The following MAGI2 variants were observed in gnomAD, a reference collection of about 807,000 sequenced individuals.
MAGI2 encodes the protein membrane-associated guanylate kinase, WW and PDZ domain-containing protein 2.
Under a neutral mutation model 133.3 loss-of-function variants are expected in MAGI2, and 35 were observed. The observed-to-expected ratio is 0.26, with a 90% CI of 0.20 to 0.35. The LOEUF (loss-of-function observed/expected upper bound fraction) is 0.35. Ranked by LOEUF, MAGI2 falls within the 10% of genes least tolerant of loss-of-function variation. The pLI, the probability that MAGI2 is intolerant of heterozygous loss-of-function variation, is 1.00. For missense variants in MAGI2, 1,636 were observed against 1,863.4 expected, an observed-to-expected ratio of 0.88 and a Z score of 2.25; for synonymous variants, 729 against 710.6, an observed-to-expected ratio of 1.03 and a Z score of -0.41.
intron 5 of MAGI2, among the ~76,000 whole-genome samples, chr7:78,497,722 T>TTCTTTCTATCTA (rs1554442339): frequency 1.0e-5 from 1 of 97,202 alleles, no homozygotes; most frequent in African/African-American, 6.1e-5. Context: ...GAAATAACTA[T>TTCTTTCTATCTA]TCTATCTATC....
At chr7:78,659,809 A>C (rs1171134381) in intron 2 of MAGI2, among the ~76,000 whole-genome samples, 1 of 152,140 alleles carries the variant, frequency 6.6e-6, no homozygotes, top group East Asian at 1.9e-4. Flanking sequence ...GATAAGTAGG[A>C]TCCCTCTGTA....
chr7:78,860,321 C>T (rs1206960192), intron 2 of MAGI2, among the ~76,000 whole-genome samples: 2 of 152,220 alleles, frequency 1.3e-5, no homozygotes, highest in African/African-American at 2.4e-5. Flanking sequence ...AAGAGGCGCT[C>T]TGATTTTTAG....
At position 78,706,153 on chromosome 7, in the gene MAGI2, C is replaced by A. The variant is rs758933385; in HGVS notation, c.419-78914G>T. ...ATGATATGGTTTGGCTGTGTCCCCC[C>A]CCAAATCTCAACTTTAATTGTATCT... is the stretch of plus-strand genomic sequence containing the variant. On this transcript the variant is annotated intron_variant, in intron 2 of 21. Coordinates refer to ENST00000354212, the MANE Select transcript of MAGI2 (RefSeq NM_012301.4). 1.1e-4 allele frequency among the ~76,000 whole-genome samples: 17 copies of A among 152,158 alleles called. No individual in the cohort carries two copies. In the South Asian group the frequency reaches 1.5e-3, roughly 13 times the overall value.
chr7:78,342,113 A>G (rs1314094991), intron 9 of MAGI2, among the ~76,000 whole-genome samples: 1 of 152,040 alleles, frequency 6.6e-6, no homozygotes, highest in Non-Finnish European at 1.5e-5. Flanking sequence ...CAAATTTACA[A>G]GAAAAAAAAA....
chr7:79,046,964 A>T (rs182289391), intron 1 of MAGI2, among the ~76,000 whole-genome samples: 15 of 152,336 alleles, frequency 9.8e-5, no homozygotes, highest in African/African-American at 3.4e-4. Flanking sequence ...GGAAGGAAAA[A>T]GTAATTTCAT....
At position 79,453,285 on chromosome 7, in the gene MAGI2, A is replaced by T; in HGVS notation, c.36T>A (p.Thr12=). The part of the protein sequence containing the change: ...SKSLKKKSHW[T]SKVHESVIGR... Reference sequence around the variant, plus strand: ...CAATGACACTCTCATGGACTTTGCTAGTCCAGTGGCTTTTCTTTTTCAAGC... The same window carrying T: ...CAATGACACTCTCATGGACTTTGCTTGTCCAGTGGCTTTTCTTTTTCAAGC... Residue 12 remains threonine (T), a synonymous_variant, in exon 1 of 22, where the codon ACT becomes ACA. Transcript: ENST00000354212. 3 of 1,613,032 alleles carry T rather than the reference A, an allele frequency of 1.9e-6. No individual in the cohort carries two copies. Among genetic ancestry groups the T allele is most frequent in the Non-Finnish European group, 2.5e-6 (3 of 1,179,546 alleles).
At chr7:78,962,100 G>A (rs113833452) in intron 2 of MAGI2, among the ~76,000 whole-genome samples, 14,462 of 151,934 alleles carry the variant, frequency 0.095, 868 homozygotes, top group African/African-American at 0.17. Context: ...TTGAACTCTC[G>A]TTATGTGGTA....
At chr7:78,028,282 A>G (rs28684419) in intron 21 of MAGI2, among the ~76,000 whole-genome samples, 1,670 of 152,322 alleles carry the variant, frequency 0.011, 37 homozygotes, top group African/African-American at 0.039. Context: ...AGAGATGTAA[A>G]CTAGATGTTA....
chr7:79,310,152 G>A (rs932102287), intron 1 of MAGI2, among the ~76,000 whole-genome samples: 1 of 77,716 alleles, frequency 1.3e-5, no homozygotes, highest in Non-Finnish European at 2.3e-5. Context: ...AGACAGAGGA[G>A]AGTCCATCTC....
At chr7:79,219,395 G>T (rs1830272035) in intron 1 of MAGI2, among the ~76,000 whole-genome samples, 1 of 151,938 alleles carries the variant, frequency 6.6e-6, no homozygotes, top group South Asian at 2.1e-4. Context: ...TCATTTAAAT[G>T]ATCCCATTTG....
intron 1 of MAGI2, among the ~76,000 whole-genome samples, chr7:79,393,565 T>G (rs57524293): frequency 0.051 from 7,692 of 152,238 alleles, 380 homozygotes; most frequent in East Asian, 0.18. Flanking sequence ...ATTCTCATTC[T>G]CAGTTGCGTA....
chr7:78,895,543 T>G (rs1418837261), intron 2 of MAGI2, among the ~76,000 whole-genome samples: 1 of 151,842 alleles, frequency 6.6e-6, no homozygotes, highest in Non-Finnish European at 1.5e-5. Context: ...GTGGCTTTAC[T>G]CAGTGTAGAA....
rs118071604 is a variant in MAGI2, at chr7:78,774,717, C to T, written c.419-147478G>A. Reference sequence around the variant, plus strand: ...GAAGACCACAGGCAGGATAGACACACCTAAGCATATCCAATACAGACACAA... The same window carrying T: ...GAAGACCACAGGCAGGATAGACACATCTAAGCATATCCAATACAGACACAA... On this transcript the variant is annotated intron_variant, in intron 2 of 21. Transcript: ENST00000354212. Among the ~76,000 whole-genome samples, 1,170 of 152,180 alleles carry T rather than the reference C, an allele frequency of 7.7e-3. 80 individuals are homozygous for T. The East Asian group carries it at 0.16, about 20-fold the overall frequency.
chr7:78,567,057 T>G (rs1231332173), intron 3 of MAGI2, among the ~76,000 whole-genome samples: 2 of 152,182 alleles, frequency 1.3e-5, no homozygotes, highest in South Asian at 2.1e-4. Flanking sequence ...GATATAAAAT[T>G]TGAGAAAACA....
At chr7:78,966,726 T>C (rs1803344067) in intron 2 of MAGI2, among the ~76,000 whole-genome samples, 1 of 152,094 alleles carries the variant, frequency 6.6e-6, no homozygotes. Flanking sequence ...TTGTTCTCTT[T>C]CAATCTTTCA....
At chr7:79,144,010 T>C (rs113738562) in intron 1 of MAGI2, among the ~76,000 whole-genome samples, 1 of 152,152 alleles carries the variant, frequency 6.6e-6, no homozygotes, top group Admixed American at 6.5e-5. Flanking sequence ...TAGGTACTTA[T>C]ATAGAACACT....
intron 11 of MAGI2, chr7:78,197,741 A>G (rs2150747821): frequency 7.4e-6 from 1 of 134,734 alleles, no homozygotes; most frequent in East Asian, 2.4e-4. Flanking sequence ...AAAAGGCTGT[A>G]AAGCAGAAAA....
At chr7:78,693,979 G>A (rs962099230) in intron 2 of MAGI2, among the ~76,000 whole-genome samples, 4 of 152,090 alleles carry the variant, frequency 2.6e-5, no homozygotes, top group African/African-American at 9.7e-5. Context: ...AATGTTTATT[G>A]AAAGGAAAGG....
chr7:79,331,943 T>C (rs532791764), intron 1 of MAGI2, among the ~76,000 whole-genome samples: 2 of 78,626 alleles, frequency 2.5e-5, no homozygotes, highest in East Asian at 2.9e-4. Context: ...ACTTAAAGTA[T>C]AATAAAAAAA....
Sources: gnomAD v4.1 joint callset for allele counts (sites outside exome capture counted in the v4.1 genomes callset) on GRCh38, gnomAD v4.1.1 for gene constraint, MANE v1.5 for transcripts, NCBI Gene and HGNC (gene_info 2026-07-23, HGNC 2026-07-21) for gene names.